PIGK: variants seen among roughly 807,000 people sequenced by gnomAD.
PIGK encodes GPI-anchor transamidase.
Under a neutral mutation model 50.6 loss-of-function variants are expected in PIGK, and 42 were observed. The observed-to-expected ratio is 0.83, with a 90% CI of 0.65 to 1.07. The LOEUF is 1.07. Ranked by LOEUF, PIGK falls within the 50% of genes least tolerant of loss-of-function variation. The pLI is 0.00. For synonymous variants in PIGK, 151 were observed against 156.0 expected, an observed-to-expected ratio of 0.97 and a Z score of 0.24; for missense variants, 448 against 488.7, an observed-to-expected ratio of 0.92 and a Z score of 0.78.
chr1:77,217,789 A>G (rs1197448608), intron 1 of PIGK, among the ~76,000 whole-genome samples: 1 of 152,234 alleles, frequency 6.6e-6, no homozygotes, highest in East Asian at 1.9e-4. Context: ...CAAAGGTAAG[A>G]GATAGGGAAA....
intron 9 of PIGK, among the ~76,000 whole-genome samples, chr1:77,135,102 A>T (rs1266273851): frequency 6.6e-6 from 1 of 152,074 alleles, no homozygotes; most frequent in Non-Finnish European, 1.5e-5. Context: ...CTAATTGTTC[A>T]ATTTCTTGGC....
At chr1:77,195,201 T>C (rs932222900) in intron 3 of PIGK, 9 of 1,193,306 alleles carry the variant, frequency 7.5e-6, no homozygotes, top group East Asian at 2.5e-5. Context: ...CCGTGGGCGA[T>C]GAGAAAGGTG....
At chr1:77,161,490 A>G (rs1655126514) in intron 7 of PIGK, 85 bp from the exon 8 acceptor site, 13 of 973,364 alleles carry the variant, frequency 1.3e-5, no homozygotes, top group Admixed American at 6.8e-5. Context: ...CTTCTAATGT[A>G]TTAGTCTAAG....
intron 3 of PIGK, among the ~76,000 whole-genome samples, chr1:77,177,315 A>G (rs1263003065): frequency 6.6e-6 from 1 of 152,200 alleles, no homozygotes; most frequent in Non-Finnish European, 1.5e-5. Flanking sequence ...ATGTCTTGAG[A>G]TGGCCATGAT....
intron 3 of PIGK, chr1:77,195,325 A>G (rs1656008610): frequency 1.5e-6 from 2 of 1,325,308 alleles, no homozygotes; most frequent in African/African-American, 1.4e-5. Context: ...TCAGGGCAAG[A>G]CCACCAAGTT....
chr1:77,207,653 G>C (rs1474570182), intron 2 of PIGK, among the ~76,000 whole-genome samples: 2 of 152,114 alleles, frequency 1.3e-5, no homozygotes, highest in Non-Finnish European at 2.9e-5. Context: ...TGCCTCAAAA[G>C]TTAGTGTTGT....
At chr1:77,130,801 T>C (rs1570207491) in intron 9 of PIGK, among the ~76,000 whole-genome samples, 1 of 152,266 alleles carries the variant, frequency 6.6e-6, no homozygotes, top group East Asian at 1.9e-4. Context: ...AGAGCATACC[T>C]GGAGTCAGAC....
chr1:77,093,168 C>T (rs994788868), intron 10 of PIGK, among the ~76,000 whole-genome samples: 6 of 152,086 alleles, frequency 3.9e-5, no homozygotes, highest in African/African-American at 1.4e-4. Flanking sequence ...ATAACTCCTT[C>T]TATTGTTACT....
chr1:77,147,525 G>T (rs538772622), intron 9 of PIGK, among the ~76,000 whole-genome samples: 2 of 152,190 alleles, frequency 1.3e-5, no homozygotes, highest in East Asian at 3.9e-4. Context: ...TACAAATTTG[G>T]TAACACTAAA....
At chr1:77,190,993 T>C (rs998536582) in intron 3 of PIGK, among the ~76,000 whole-genome samples, 4 of 152,222 alleles carry the variant, frequency 2.6e-5, no homozygotes, top group Admixed American at 6.5e-5. Flanking sequence ...CCTCTCAGGA[T>C]GAAAATCAGT....
In PIGK at chr1:77,192,050, G is replaced by A. The variant is rs375277166; in HGVS notation, c.239+14590C>T. Among the ~76,000 whole-genome samples, 52 of 152,168 alleles carry A rather than the reference G, an allele frequency of 3.4e-4. No individual in the cohort carries two copies. In the Middle Eastern group the frequency reaches 0.01, roughly 30 times the overall value. On this transcript the variant is annotated intron_variant, in intron 3 of 10. Coordinates refer to ENST00000370812, the MANE Select transcript of PIGK (RefSeq NM_005482.3). The stretch of plus-strand genomic sequence containing the variant: ...CTCAGGAGATTGAGGCAGGAGGACT[G>A]CTTGTGCCCAGGAGGTCCAGGCTGC...
chr1:77,200,179 G>A (rs1656128459), intron 3 of PIGK, among the ~76,000 whole-genome samples: 1 of 152,082 alleles, frequency 6.6e-6, no homozygotes, highest in Non-Finnish European at 1.5e-5. Flanking sequence ...AGGATGAGTT[G>A]GAGGGGGAAA....
At chr1:77,166,575 A>T in intron 5 of PIGK, 144 bp downstream of exon 5, 1 of 506,008 alleles carries the variant, frequency 2.0e-6, no homozygotes, top group Non-Finnish European at 3.5e-6. Flanking sequence ...CATCTCAAAT[A>T]GTTCTACATT....
chr1:77,189,804 T>C (rs1655856975), intron 3 of PIGK, among the ~76,000 whole-genome samples: 1 of 149,508 alleles, frequency 6.7e-6, no homozygotes, highest in Non-Finnish European at 1.5e-5. Flanking sequence ...TATACGTATA[T>C]GTATATTTGA....
At chr1:77,127,286 T>C (rs1654253931) in intron 9 of PIGK, among the ~76,000 whole-genome samples, 1 of 152,204 alleles carries the variant, frequency 6.6e-6, no homozygotes, top group Non-Finnish European at 1.5e-5. Flanking sequence ...GCTATCCAAG[T>C]ACTCCTAAAA....
intron 10 of PIGK, among the ~76,000 whole-genome samples, chr1:77,098,119 T>C (rs1193433248): frequency 6.6e-6 from 1 of 152,154 alleles, no homozygotes; most frequent in African/African-American, 2.4e-5. Context: ...AAGGGAATAG[T>C]AGTCCTACTG....
intron 2 of PIGK, among the ~76,000 whole-genome samples, chr1:77,207,394 A>G (rs1656314204): frequency 6.6e-6 from 1 of 152,342 alleles, no homozygotes; most frequent in South Asian, 2.1e-4. Flanking sequence ...TTCTTCACAG[A>G]ATAGAGAAGA....
rs1301037724 is a variant in PIGK, at chr1:77,164,094, T to C, written c.488-152A>G. 7.8e-6 allele frequency: 4 copies of C among 514,702 alleles called. No individual in the cohort carries two copies. The South Asian group carries it at 9.6e-5, about 12-fold the overall frequency. 31.9% of individuals were successfully genotyped at this position (514,702 alleles called of 1,614,324 possible). On this transcript the variant is annotated intron_variant, in intron 5 of 10. Coordinates refer to ENST00000370812, the MANE Select transcript of PIGK (RefSeq NM_005482.3). ...ATGAAAACAAACAAATTGAATTTTC[T>C]ACTATGCCAATTAAAAAGAGAATGA...
intron 3 of PIGK, among the ~76,000 whole-genome samples, chr1:77,193,648 T>C (rs1160187363): frequency 1.3e-5 from 2 of 152,172 alleles, no homozygotes; most frequent in African/African-American, 4.8e-5. Flanking sequence ...GTCAAATTCT[T>C]ACACAGAAGG....
Sources: allele counts gnomAD v4.1 joint callset (sites outside exome capture counted in the v4.1 genomes callset), GRCh38; gene constraint gnomAD v4.1.1; transcripts MANE v1.5; gene names NCBI Gene and HGNC (gene_info 2026-07-23, HGNC 2026-07-21).